The following EFNA2 variants were observed in gnomAD, a reference collection of about 807,000 sequenced individuals.
EFNA2 encodes the protein ephrin A2.
EFNA2 carries 18 observed loss-of-function variants against 19.7 expected under a neutral mutation model. The observed-to-expected ratio is 0.91, with a 90% CI of 0.63 to 1.35. EFNA2 has a LOEUF of 1.35. Among genes scored for constraint, EFNA2 ranks in the 40% most tolerant of loss-of-function variants. The pLI, the probability that EFNA2 is intolerant of heterozygous loss-of-function variation, is 0.00. For missense variants in EFNA2, 303 were observed against 296.0 expected (o/e 1.02, Z -0.17); for synonymous variants, 187 against 137.8 (o/e 1.36, Z -2.50).
chr19:1,295,499 C>A lies in EFNA2; in HGVS notation c.141-46C>A. ...TCCCCGCGCACCCCGACCCGTGCCC[C>A]GTTCCTCGCTCCGGGCGCTGACCTC... On this transcript the variant is annotated intron_variant, in intron 1 of 3. Coordinates refer to ENST00000215368, the MANE Select transcript of EFNA2 (RefSeq NM_001405.4). This position sits in a 1 kb window ranked among gnomAD's most constrained non-coding sequence, Gnocchi z 5.8. 6.7e-7 allele frequency: 1 copy of A among 1,489,570 alleles called. No homozygotes were observed. The highest frequency in any genetic ancestry group is 8.9e-7 in the Non-Finnish European group (1 of 1,122,168). The allele number at this position is 1,489,570 out of a possible 1,614,324, so 92.3% of individuals were successfully genotyped here. A position where few individuals can be genotyped will look rare whatever the true frequency, so the allele number is the denominator to read the frequency against.
chr19:1,295,784 C>A lies in EFNA2; in HGVS notation c.380C>A (p.Ser127Ter). The A allele has an allele frequency of 6.2e-7, 1 of 1,607,650 alleles. No individual in the cohort carries two copies. Among genetic ancestry groups the A allele is most frequent in the Non-Finnish European group, 8.5e-7 (1 of 1,178,150 alleles). Residue 127 changes from serine to a stop codon, truncating the protein, a stop_gained, in exon 2 of 4, where the codon TCG becomes TAG. Transcript: ENST00000215368. LOFTEE classifies it high-confidence loss of function. This position sits in a 1 kb window ranked among gnomAD's most constrained non-coding sequence, Gnocchi z 5.8. Reference sequence around the variant, plus strand: ...GCGCCCGGGGGGCCGCTCAAGTTCTCGGAGAAGTTCCAGCTCTTCACGCCC... The same window carrying A: ...GCGCCCGGGGGGCCGCTCAAGTTCTAGGAGAAGTTCCAGCTCTTCACGCCC... ...PAAPGGPLKFSEKFQLFTPFS... is the reference protein window; with the variant it reads ...PAAPGGPLKF
At chr19:1,291,729 G>A (rs769009259) in intron 1 of EFNA2, among the ~76,000 whole-genome samples, 7 of 152,220 alleles carry the variant, frequency 4.6e-5, no homozygotes, top group Non-Finnish European at 7.3e-5. Flanking sequence ...TTTTGGGTGA[G>A]ATTCCTAATT....
At chr19:1,284,965 A>G (rs1427502846), upstream of EFNA2, among the ~76,000 whole-genome samples, 1 of 152,244 alleles carries the variant, frequency 6.6e-6, no homozygotes, top group Non-Finnish European at 1.5e-5. The surrounding 1 kb of genome is among the most constrained non-coding windows in gnomAD (Gnocchi z 5.3). Context: ...AACAGAGGGC[A>G]GGCCAGGTGC....
chr19:1,292,877 G>A (rs1242115703), intron 1 of EFNA2, among the ~76,000 whole-genome samples: 1 of 152,136 alleles, frequency 6.6e-6, no homozygotes, highest in Non-Finnish European at 1.5e-5. Context: ...CAGAAGCCTC[G>A]GTCTCTGACA....
chr19:1,298,444 A>T, intron 2 of EFNA2, 107 bp from the exon 3 acceptor site: 1 of 1,137,808 alleles, frequency 8.8e-7, no homozygotes, highest in Non-Finnish European at 1.3e-6. Flanking sequence ...GTGGCTCTCC[A>T]CCTGGGGTCA....
In EFNA2 at chr19:1,295,717, C is replaced by A. The variant is rs2081511201; in HGVS notation, c.313C>A (p.Arg105Ser). 3 of 1,608,556 alleles carry A rather than the reference C, an allele frequency of 1.9e-6. No homozygotes were observed. Among genetic ancestry groups the A allele is most frequent in the Non-Finnish European group, 2.5e-6 (3 of 1,178,012 alleles). The change falls in exon 2 of 4, where the codon CGC becomes AGC. Residue 105 changes from arginine to serine, a missense_variant. By Grantham distance (110) the Arg-to-Ser change is moderately radical. Transcript: ENST00000215368. The surrounding 1 kb of genome is among the most constrained non-coding windows in gnomAD (Gnocchi z 5.8). ...NGEGHASCDHRQRGFKRWECN... is the reference protein window; with the variant it reads ...NGEGHASCDHSQRGFKRWECN... ...CGAGGGCCACGCCTCCTGCGACCAC[C>A]GCCAGCGCGGCTTCAAGCGCTGGGA...
intron 3 of EFNA2, 103 bp from the exon 4 acceptor site, chr19:1,299,721 T>G (rs1474595343): frequency 2.8e-6 from 4 of 1,422,766 alleles, no homozygotes; most frequent in Non-Finnish European, 2.8e-6. Context: ...CCTGGTGGGG[T>G]GATGAGCCCG....
In EFNA2 at chr19:1,300,626, A is replaced by G. The variant is rs2081538293; in HGVS notation, c.*681A>G. ...TGGTGCTCCAGGTTGGGTGAGTCTGAGCCGGAAGGGGTACGTGGTGGGCGC... is the reference window on the plus strand; with the variant it reads ...TGGTGCTCCAGGTTGGGTGAGTCTGGGCCGGAAGGGGTACGTGGTGGGCGC... On this transcript the variant is annotated 3_prime_UTR_variant, in exon 4 of 4. Transcript: ENST00000215368. 6.6e-6 allele frequency among the ~76,000 whole-genome samples: 1 copy of G among 152,050 alleles called. No individual in the cohort carries two copies. The highest frequency in any genetic ancestry group is 2.4e-5 in the African/African-American group (1 of 41,380).
intron 1 of EFNA2, among the ~76,000 whole-genome samples, chr19:1,290,119 G>A (rs1208871380): frequency 1.3e-5 from 2 of 151,974 alleles, no homozygotes; most frequent in African/African-American, 4.8e-5. Flanking sequence ...TGGGGGTGAC[G>A]GAGCCCTGCG....
intron 1 of EFNA2, among the ~76,000 whole-genome samples, chr19:1,290,330 G>C (rs2081485593): frequency 3.3e-5 from 5 of 152,192 alleles, no homozygotes; most frequent in South Asian, 2.1e-4. Context: ...ATCCTGGGGT[G>C]CCATGGGTGG....
intron 1 of EFNA2, among the ~76,000 whole-genome samples, chr19:1,292,919 A>G (rs2081498133): frequency 6.6e-6 from 1 of 152,172 alleles, no homozygotes; most frequent in Non-Finnish European, 1.5e-5. Flanking sequence ...AGGAGAGAAC[A>G]CAGTGGTGTC....
At chr19:1,285,635 C>A (rs553818426), upstream of EFNA2, among the ~76,000 whole-genome samples, 1 of 151,830 alleles carries the variant, frequency 6.6e-6, no homozygotes, top group African/African-American at 2.4e-5. This position sits in a 1 kb window ranked among gnomAD's most constrained non-coding sequence, Gnocchi z 4.1. Flanking sequence ...CGTGGGGGCG[C>A]GGGAGGCAGG....
rs989443728 is a variant in EFNA2, at chr19:1,296,168, T to C, written c.454+310T>C. On this transcript the variant is annotated intron_variant, in intron 2 of 3. Transcript: ENST00000215368. This position sits in a 1 kb window ranked among gnomAD's most constrained non-coding sequence, Gnocchi z 4.4. The stretch of plus-strand genomic sequence containing the variant: ...CCAACCATCCCGGGAGGCCAGGACT[T>C]TCCTCGTCCTTCGTTGCATATGGGG... Among the ~76,000 whole-genome samples the C allele has an allele frequency of 6.6e-5, 10 of 152,194 alleles. No homozygotes were observed. Among genetic ancestry groups the C allele is most frequent in the African/African-American group, 2.4e-4 (10 of 41,456 alleles).
In EFNA2 at chr19:1,299,828, G is replaced by A. The variant is rs1282576616; in HGVS notation, c.525G>A (p.Glu175=). 1.2e-6 allele frequency: 2 copies of A among 1,600,998 alleles called. No homozygotes were observed. The highest frequency in any genetic ancestry group is 1.7e-5 in the Admixed American group (1 of 59,348). Residue 175 remains glutamate (E), a synonymous_variant, in exon 4 of 4, where the codon GAG becomes GAA. Transcript: ENST00000215368. ...TGCTGTCTCTGCCACCCGCAGACGAGACCCTGTACGAGGCTCCTGAGCCCA... is the reference window on the plus strand; with the variant it reads ...TGCTGTCTCTGCCACCCGCAGACGAAACCCTGTACGAGGCTCCTGAGCCCA... ...RLKVYVRPTN[E]TLYEAPEPIF... is the part of the protein sequence containing the mutation.
upstream of EFNA2, among the ~76,000 whole-genome samples, chr19:1,285,328 G>C (rs1369480120): frequency 2.0e-5 from 3 of 152,096 alleles, no homozygotes; most frequent in Admixed American, 6.5e-5. The surrounding 1 kb of genome is among the most constrained non-coding windows in gnomAD (Gnocchi z 4.1). Flanking sequence ...ACTCCACATC[G>C]GTCCACCTAC....
At chr19:1,293,888 T>A (rs751605843) in intron 1 of EFNA2, among the ~76,000 whole-genome samples, 17 of 152,242 alleles carry the variant, frequency 1.1e-4, no homozygotes, top group Non-Finnish European at 2.4e-4. Context: ...CGGCCCCGCC[T>A]GGCGTGGCAT....
At chr19:1,293,841 G>A (rs1404456406) in intron 1 of EFNA2, among the ~76,000 whole-genome samples, 2 of 152,248 alleles carry the variant, frequency 1.3e-5, no homozygotes, top group Non-Finnish European at 2.9e-5. Context: ...GAGCACACCT[G>A]TCTGCCCCTT....
At chr19:1,289,759 C>T (rs1396222888) in intron 1 of EFNA2, among the ~76,000 whole-genome samples, 1 of 152,180 alleles carries the variant, frequency 6.6e-6, no homozygotes, top group African/African-American at 2.4e-5. Context: ...TATGCAAGGG[C>T]TCACTCCCCG....
At chr19:1,288,212 C>G (rs1222082908) in intron 1 of EFNA2, among the ~76,000 whole-genome samples, 1 of 152,230 alleles carries the variant, frequency 6.6e-6, no homozygotes, top group Non-Finnish European at 1.5e-5. Flanking sequence ...TCCCGGGAAG[C>G]CGGGATCCAG....
Sources: allele counts gnomAD v4.1 joint callset (sites outside exome capture counted in the v4.1 genomes callset), GRCh38; gene constraint gnomAD v4.1.1; non-coding constraint Gnocchi (gnomAD v3.1); transcripts MANE v1.5; gene names NCBI Gene and HGNC (gene_info 2026-07-23, HGNC 2026-07-21).